Variants in CADM2 observed in about 807,000 individuals in gnomAD.
The protein encoded by CADM2 is cell adhesion molecule 2.
CADM2 carries 12 observed loss-of-function variants against 49.8 expected under a neutral mutation model. The observed-to-expected ratio is 0.24, with a 90% CI of 0.15 to 0.39. CADM2 has a LOEUF of 0.39. CADM2 is among the 10% of genes least tolerant of loss of function. The pLI, the probability that CADM2 is intolerant of heterozygous loss-of-function variation, is 1.00. For missense variants in CADM2, 378 were observed against 492.3 expected, an observed-to-expected ratio of 0.77 and a Z score of 2.20; for synonymous variants, 214 against 175.4, an observed-to-expected ratio of 1.22 and a Z score of -1.74.
chr3:85,531,314 G>A (rs1162257920), intron 1 of CADM2, among the ~76,000 whole-genome samples: 1 of 152,116 alleles, frequency 6.6e-6, no homozygotes, highest in African/African-American at 2.4e-5. Flanking sequence ...GACCCAAGGA[G>A]ACATAAAGAC....
Position 85,858,226 on chromosome 3 carries a change from C to A in CADM2, c.239-25065C>A, listed in dbSNP as rs547160565. ...ATGCTTAACTGCTAATGAATAGGAT[C>A]TCTGTGACTTGATATCACATTTGAT... On this transcript the variant is annotated intron_variant, in intron 3 of 9. Transcript: ENST00000383699. 3.3e-5 allele frequency among the ~76,000 whole-genome samples: 5 copies of A among 152,300 alleles called. No homozygotes were observed. In the South Asian group the frequency reaches 1.0e-3, roughly 32 times the overall value.
At chr3:85,348,073 G>T (rs1435198841) in intron 1 of CADM2, among the ~76,000 whole-genome samples, 4 of 151,958 alleles carry the variant, frequency 2.6e-5, no homozygotes, top group Non-Finnish European at 4.4e-5. Flanking sequence ...TTAAATTTTT[G>T]TCATCTTTCA....
chr3:86,012,525 G>A, intron 8 of CADM2: 2 of 1,348,130 alleles, frequency 1.5e-6, no homozygotes, highest in Non-Finnish European at 2.0e-6. Flanking sequence ...AGGAGGCCGG[G>A]AGCGGAGGGC....
At chr3:85,945,363 G>T (rs1722531827) in intron 7 of CADM2, among the ~76,000 whole-genome samples, 2 of 152,070 alleles carry the variant, frequency 1.3e-5, no homozygotes, top group South Asian at 4.1e-4. Flanking sequence ...GGAGGAGCTG[G>T]TACTATTCCT....
intron 1 of CADM2, among the ~76,000 whole-genome samples, chr3:85,037,570 A>G (rs2035271153): frequency 6.6e-6 from 1 of 152,222 alleles, no homozygotes; most frequent in Non-Finnish European, 1.5e-5. Flanking sequence ...CTATCTTTAC[A>G]GCAGCATGGA....
intron 8 of CADM2, among the ~76,000 whole-genome samples, chr3:86,019,452 T>C (rs1370300359): frequency 1.3e-5 from 2 of 151,326 alleles, no homozygotes; most frequent in Non-Finnish European, 2.9e-5. Flanking sequence ...GCATTGAATC[T>C]GTAAATTATC....
chr3:85,417,274 C>A (rs72907209), intron 1 of CADM2, among the ~76,000 whole-genome samples: 6,430 of 152,088 alleles, frequency 0.042, 461 homozygotes, highest in African/African-American at 0.15. Context: ...CTACAAAATC[C>A]TGTTTGGAAA....
intron 1 of CADM2, among the ~76,000 whole-genome samples, chr3:85,291,983 C>T (rs2043811525): frequency 6.6e-6 from 1 of 152,068 alleles, no homozygotes; most frequent in Non-Finnish European, 1.5e-5. Context: ...AATTAAAAGA[C>T]ATAGACTGGC....
chr3:84,989,082 A>G (rs2032748048), intron 1 of CADM2, among the ~76,000 whole-genome samples: 1 of 152,188 alleles, frequency 6.6e-6, no homozygotes, highest in Non-Finnish European at 1.5e-5. Flanking sequence ...GCTTCCTGCA[A>G]ATTTGGAGAC....
intron 1 of CADM2, among the ~76,000 whole-genome samples, chr3:85,020,768 T>TGTGTGTGTGTGTAGGGG (rs2034466520): frequency 6.6e-6 from 1 of 150,500 alleles, no homozygotes. Flanking sequence ...GTGTGTATGG[T>TGTGTGTGTGTGTAGGGG]GTGTGTGTGT....
chr3:85,797,134 G>A (rs1368953980), intron 2 of CADM2, among the ~76,000 whole-genome samples: 1 of 151,024 alleles, frequency 6.6e-6, no homozygotes, highest in Admixed American at 6.6e-5. Context: ...AAAATTACCT[G>A]TCCAAAGCAG....
At chr3:85,869,096 T>C (rs2108347111) in intron 3 of CADM2, among the ~76,000 whole-genome samples, 1 of 152,288 alleles carries the variant, frequency 6.6e-6, no homozygotes, top group Non-Finnish European at 1.5e-5. Context: ...TGATAAATTG[T>C]ATTTTTCATG....
chr3:85,629,674 C>T (rs1169135862), intron 1 of CADM2, among the ~76,000 whole-genome samples: 2 of 151,842 alleles, frequency 1.3e-5, no homozygotes, highest in Non-Finnish European at 2.9e-5. Flanking sequence ...TCTTTAGACA[C>T]AAGGAGAATA....
At chr3:85,752,597 C>G (rs73845636) in intron 2 of CADM2, among the ~76,000 whole-genome samples, 3 of 151,706 alleles carry the variant, frequency 2.0e-5, no homozygotes, top group Non-Finnish European at 4.4e-5. Context: ...GCATTGTTAC[C>G]CAGGAAGAAA....
At chr3:85,788,738 A>G (rs185828718) in intron 2 of CADM2, among the ~76,000 whole-genome samples, 1 of 152,106 alleles carries the variant, frequency 6.6e-6, no homozygotes, top group East Asian at 1.9e-4. Flanking sequence ...AAGTCCTAGT[A>G]TCTTCTCAAT....
intron 1 of CADM2, among the ~76,000 whole-genome samples, chr3:85,462,204 G>T (rs959051138): frequency 3.3e-5 from 5 of 152,098 alleles, no homozygotes; most frequent in African/African-American, 1.2e-4. Flanking sequence ...TGCTCCAGTT[G>T]TCAAGCCCCA....
chr3:85,828,849 T>A (rs1401179017), intron 3 of CADM2, among the ~76,000 whole-genome samples: 5 of 151,920 alleles, frequency 3.3e-5, no homozygotes, highest in Admixed American at 2.0e-4. Flanking sequence ...ACCTGACAAA[T>A]GATAGATTCC....
At chr3:85,866,437 G>A (rs747660343) in intron 3 of CADM2, among the ~76,000 whole-genome samples, 28 of 152,002 alleles carry the variant, frequency 1.8e-4, no homozygotes, top group Non-Finnish European at 3.4e-4. Context: ...TTGATTCATT[G>A]GAGTCTTATT....
intron 8 of CADM2, among the ~76,000 whole-genome samples, chr3:85,976,716 C>T (rs1035878523): frequency 4.6e-5 from 7 of 151,426 alleles, no homozygotes; most frequent in Admixed American, 2.0e-4. Context: ...TGGCACTTTC[C>T]ACCAAATTAC....
Sources: allele counts gnomAD v4.1 joint callset (sites outside exome capture counted in the v4.1 genomes callset), GRCh38; gene constraint gnomAD v4.1.1; transcripts MANE v1.5; gene names NCBI Gene and HGNC (gene_info 2026-07-23, HGNC 2026-07-21).